LOXHD1: variants seen among roughly 807,000 people sequenced by gnomAD.
LOXHD1 encodes the protein lipoxygenase homology domain-containing protein 1.
Under a neutral mutation model 248.2 loss-of-function variants are expected in LOXHD1, and 205 were observed. That is an observed-to-expected ratio of 0.83 (90% CI 0.74 to 0.93). The LOEUF (loss-of-function observed/expected upper bound fraction) is 0.93, where lower values mean the gene tolerates loss of function less well. LOXHD1 is among the 40% of genes least tolerant of loss of function. LOXHD1 has a pLI of 0.00. For synonymous variants in LOXHD1, 1,113 were observed against 1,162.8 expected, an observed-to-expected ratio of 0.96 and a Z score of 0.87; for missense variants, 2,930 against 2,971.6, an observed-to-expected ratio of 0.99 and a Z score of 0.33.
chr18:46,570,502 A>G (rs939933826), intron 15 of LOXHD1, among the ~76,000 whole-genome samples: 6 of 152,226 alleles, frequency 3.9e-5, no homozygotes, highest in Admixed American at 3.9e-4. Flanking sequence ...GCCCTGGAGA[A>G]GGCCAGACCT....
chr18:46,644,601 TCA>T lies in LOXHD1; in HGVS notation c.246-2567_246-2566del, dbSNP rs1389495944. Among the ~76,000 whole-genome samples the T allele has an allele frequency of 9.2e-5, 14 of 152,166 alleles. No individual in the cohort carries two copies. In the East Asian group the frequency reaches 1.9e-3, roughly 21 times the overall value. On this transcript the variant is annotated intron_variant, in intron 2 of 40. Coordinates refer to ENST00000642948, the MANE Select transcript of LOXHD1 (RefSeq NM_001384474.1). ...GGCCTGGTGGTGTGCACCTGTAGTC[TCA>T]GTTACTCAGGAGGCTGAGGCGGGAG...
rs1490333766 is a variant in LOXHD1 at position 46,610,792 on chromosome 18, C to A, written c.743G>T (p.Gly248Val). The A allele has an allele frequency of 1.9e-6, 3 of 1,551,376 alleles. No homozygotes were observed. Among genetic ancestry groups the A allele is most frequent in the Non-Finnish European group, 1.7e-6 (2 of 1,146,820 alleles). ...VGHNNKGGSA[G>V]WFLSQIVIED... ...TGAACTCACCTGGGACAGGAACCAACCTGCAGAGCCCCCCTTATTGTTGTG... is the reference window on the plus strand; with the variant it reads ...TGAACTCACCTGGGACAGGAACCAAACTGCAGAGCCCCCCTTATTGTTGTG... Residue 248 changes from glycine to valine, a missense_variant, in exon 6 of 41, where the codon GGT becomes GTT. Gly to Val is a moderately radical substitution (Grantham distance 109). Coordinates refer to ENST00000642948, the MANE Select transcript of LOXHD1 (RefSeq NM_001384474.1).
chr18:46,559,674 T>C (rs1355266414), intron 19 of LOXHD1, 72 bp from the exon 20 acceptor site: 3 of 1,482,402 alleles, frequency 2.0e-6, no homozygotes, highest in African/African-American at 2.8e-5. Context: ...GCACAGCCTC[T>C]CAGATCCAGC....
intron 25 of LOXHD1, 65 bp from the exon 26 acceptor site, chr18:46,538,402 A>T (rs1263416245): frequency 1.4e-6 from 2 of 1,468,364 alleles, no homozygotes; most frequent in East Asian, 5.0e-5. Flanking sequence ...ACATGGTGAG[A>T]GCCAGTTCTT....
Position 46,542,796 on chromosome 18 carries a change from C to T in LOXHD1, c.3679G>A (p.Glu1227Lys), listed in dbSNP as rs1355219364. 12 of 1,551,724 alleles carry T rather than the reference C, an allele frequency of 7.7e-6. No homozygotes were observed. Among genetic ancestry groups the T allele is most frequent in the Middle Eastern group, 1.7e-4 (1 of 5,992 alleles). ...NSDKFERDSI[E>K]IFTVETLDLG... ...TCCAGCGTCTCCACCGTGAAGATTT[C>T]AATGCTGTCCCTCTCAAACTTATCG... The change falls in exon 24 of 41, where the codon GAA becomes AAA. Residue 1227 changes from glutamate (E) to lysine (K), a missense_variant. Glu to Lys is a moderately conservative substitution (Grantham distance 56). Transcript: ENST00000642948.
chr18:46,559,126 C>A, intron 20 of LOXHD1: 2 of 1,345,304 alleles, frequency 1.5e-6, no homozygotes, highest in Middle Eastern at 2.0e-4. Context: ...CCCCAAGACA[C>A]CATCTTGCGG....
chr18:46,549,201 T>C (rs920648284), intron 21 of LOXHD1, among the ~76,000 whole-genome samples: 1 of 152,116 alleles, frequency 6.6e-6, no homozygotes, highest in African/African-American at 2.4e-5. Context: ...GGAATGCAGG[T>C]GTTCTAAGGC....
chr18:46,507,144 C>CCCA (rs2143910109), intron 36 of LOXHD1, among the ~76,000 whole-genome samples: 2 of 152,300 alleles, frequency 1.3e-5, no homozygotes, highest in South Asian at 4.1e-4. Context: ...TATCCTAAGA[C>CCCA]CCACAGCCAA....
At chr18:46,558,841 G>A (rs2143994537) in intron 20 of LOXHD1, among the ~76,000 whole-genome samples, 1 of 152,242 alleles carries the variant, frequency 6.6e-6, no homozygotes, top group African/African-American at 2.4e-5. Flanking sequence ...TTAGGATACA[G>A]TTCTGGCTTC....
At chr18:46,611,578 A>G (rs550933935) in intron 5 of LOXHD1, among the ~76,000 whole-genome samples, 1 of 152,270 alleles carries the variant, frequency 6.6e-6, no homozygotes, top group East Asian at 1.9e-4. Context: ...GTATCTACAA[A>G]TCTTATCTAG....
At chr18:46,489,346 C>G (rs1188234591) in intron 37 of LOXHD1, among the ~76,000 whole-genome samples, 2 of 152,148 alleles carry the variant, frequency 1.3e-5, no homozygotes, top group African/African-American at 4.8e-5. Flanking sequence ...TAATTTTCTG[C>G]AAAGCCCTTA....
intron 2 of LOXHD1, 89 bp from the exon 3 acceptor site, chr18:46,642,125 C>G: frequency 8.8e-7 from 1 of 1,136,746 alleles, no homozygotes; most frequent in Non-Finnish European, 1.3e-6. Flanking sequence ...GCTTCTTCCT[C>G]CATCATCCCA....
intron 2 of LOXHD1, among the ~76,000 whole-genome samples, chr18:46,646,973 T>G (rs551084841): frequency 1.3e-5 from 2 of 152,360 alleles, no homozygotes; most frequent in Admixed American, 6.5e-5. Flanking sequence ...AACTCCGAAC[T>G]GTGTCCCCAT....
intron 33 of LOXHD1, among the ~76,000 whole-genome samples, chr18:46,519,796 G>C (rs1387527347): frequency 1.3e-5 from 2 of 152,150 alleles, no homozygotes; most frequent in Non-Finnish European, 2.9e-5. Context: ...TAATAAGTGT[G>C]CTTCCAAAAA....
rs1276761660 is a variant in LOXHD1 at position 46,524,828 on chromosome 18, C to G, written c.4620G>C (p.Trp1540Cys). The G allele has an allele frequency of 4.6e-5, 71 of 1,551,682 alleles. No homozygotes were observed. Among genetic ancestry groups the G allele is most frequent in the Non-Finnish European group, 5.8e-5 (66 of 1,147,034 alleles). Reference protein sequence around the residue: ...RHDNSKWCADWYVEKVEIWND... With the variant: ...RHDNSKWCADCYVEKVEIWND... ...TCCAGATCTCCACCTTCTCCACGTA[C>G]CAGTCTGCGCACCACTTGGAGTTGT... Residue 1540 changes from tryptophan (W) to cysteine (C), a missense_variant, in exon 30 of 41, where the codon TGG becomes TGC. Physicochemically the swap from Trp to Cys is radical, Grantham distance 215. Transcript: ENST00000642948.
intron 25 of LOXHD1, 105 bp downstream of exon 25, chr18:46,541,671 T>C: frequency 7.6e-7 from 1 of 1,318,578 alleles, no homozygotes. Flanking sequence ...ATCTTCAAGG[T>C]GGGCCTGGCC....
chr18:46,621,922 A>T (rs1428983190), intron 4 of LOXHD1, among the ~76,000 whole-genome samples: 2 of 152,200 alleles, frequency 1.3e-5, no homozygotes, highest in Non-Finnish European at 2.9e-5. Flanking sequence ...CTAACAAGCC[A>T]CTTGCATATT....
chr18:46,595,664 C>A (rs577753232), intron 8 of LOXHD1, among the ~76,000 whole-genome samples: 9 of 152,132 alleles, frequency 5.9e-5, no homozygotes, highest in Non-Finnish European at 1.2e-4. Context: ...TTGTTGCACT[C>A]CATTTTTTAT....
intron 1 of LOXHD1, 65 bp downstream of exon 1, chr18:46,656,838 AG>A: frequency 6.6e-7 from 1 of 1,515,444 alleles, no homozygotes; most frequent in Non-Finnish European, 8.9e-7. Context: ...CCCCATAGAC[AG>A]GAACAGACCC....
Sources: gnomAD v4.1 joint callset for allele counts (sites outside exome capture counted in the v4.1 genomes callset) on GRCh38, gnomAD v4.1.1 for gene constraint, MANE v1.5 for transcripts, NCBI Gene and HGNC (gene_info 2026-07-23, HGNC 2026-07-21) for gene names.